STK39: variants seen among roughly 807,000 people sequenced by gnomAD.
STK39 encodes the protein STE20/SPS1-related proline-alanine-rich protein kinase.
Under a neutral mutation model 77.8 loss-of-function variants are expected in STK39, and 20 were observed. The observed-to-expected ratio is 0.26, with a 90% CI of 0.18 to 0.37. The LOEUF (loss-of-function observed/expected upper bound fraction) is 0.37, where lower values mean the gene tolerates loss of function less well. STK39 is among the 10% of genes least tolerant of loss of function. The pLI is 1.00. For synonymous variants in STK39, 246 were observed against 234.1 expected (o/e 1.05, Z -0.47); for missense variants, 479 against 656.5 (o/e 0.73, Z 2.95).
intron 1 of STK39, among the ~76,000 whole-genome samples, chr2:168,239,739 G>C (rs913287288): frequency 3.9e-5 from 6 of 152,228 alleles, no homozygotes; most frequent in Non-Finnish European, 8.8e-5. Flanking sequence ...GTAGGGAGAT[G>C]AGAGACCCTG....
At chr2:168,035,221 G>A (rs1002056001) in intron 14 of STK39, among the ~76,000 whole-genome samples, 2 of 152,154 alleles carry the variant, frequency 1.3e-5, no homozygotes, top group Non-Finnish European at 2.9e-5. Flanking sequence ...TGGTGCTCTT[G>A]CTTTGCTTGG....
intron 14 of STK39, among the ~76,000 whole-genome samples, chr2:168,021,660 C>T (rs952789965): frequency 3.9e-5 from 6 of 151,990 alleles, no homozygotes; most frequent in African/African-American, 1.2e-4. Context: ...CACTCGGCTG[C>T]CTTTGATAAT....
chr2:168,111,356 A>G (rs753599346), intron 10 of STK39, among the ~76,000 whole-genome samples: 55 of 152,208 alleles, frequency 3.6e-4, no homozygotes, highest in Non-Finnish European at 6.5e-4. Context: ...AAGTTATTTT[A>G]ATACAGGCCC....
intron 1 of STK39, among the ~76,000 whole-genome samples, chr2:168,219,529 C>T (rs1032760606): frequency 2.6e-5 from 4 of 151,828 alleles, no homozygotes; most frequent in African/African-American, 9.7e-5. Flanking sequence ...GTGTAGGTCT[C>T]CTCTATCCCT....
intron 14 of STK39, among the ~76,000 whole-genome samples, chr2:168,054,749 C>G (rs939056833): frequency 4.9e-5 from 7 of 143,354 alleles, no homozygotes; most frequent in Non-Finnish European, 9.1e-5. Flanking sequence ...ATCCATTACT[C>G]TTCTCAAAAT....
chr2:168,032,149 T>C lies in STK39; in HGVS notation c.1377-15054A>G, dbSNP rs543636598. On this transcript the variant is annotated intron_variant, in intron 14 of 17. Coordinates refer to ENST00000355999, the MANE Select transcript of STK39 (RefSeq NM_013233.3). ...CAATGGTGCAATGTCAACTCCACCA[T>C]GAAGGATATATCCAAGGACAAGACT... is the stretch of plus-strand genomic sequence containing the variant. Among the ~76,000 whole-genome samples, 10 of 152,342 alleles carry C rather than the reference T, an allele frequency of 6.6e-5. No individual in the cohort carries two copies. The East Asian group carries it at 9.6e-4, about 15-fold the overall frequency.
intron 10 of STK39, among the ~76,000 whole-genome samples, chr2:168,105,845 A>G (rs1162668474): frequency 1.3e-5 from 2 of 152,250 alleles, no homozygotes; most frequent in Admixed American, 1.3e-4. Flanking sequence ...ACTTCACTTT[A>G]GCACTGAAAT....
At chr2:168,003,596 A>C (rs533161750) in intron 16 of STK39, among the ~76,000 whole-genome samples, 1 of 152,304 alleles carries the variant, frequency 6.6e-6, no homozygotes, top group Non-Finnish European at 1.5e-5. Flanking sequence ...GTCAACATTT[A>C]TTTCTGGTAA....
chr2:168,137,522 A>G (rs1308229922), intron 8 of STK39, among the ~76,000 whole-genome samples: 1 of 152,230 alleles, frequency 6.6e-6, no homozygotes, highest in Non-Finnish European at 1.5e-5. Context: ...CCAAGAATAA[A>G]TAGGAAACAC....
chr2:168,202,079 A>G (rs1478660603), intron 1 of STK39, among the ~76,000 whole-genome samples: 1 of 152,182 alleles, frequency 6.6e-6, no homozygotes, highest in Non-Finnish European at 1.5e-5. Flanking sequence ...CCTGGTTGCC[A>G]TAAGGCCAGG....
intron 14 of STK39, among the ~76,000 whole-genome samples, chr2:168,019,224 C>T (rs1176771683): frequency 6.6e-6 from 1 of 152,166 alleles, no homozygotes; most frequent in African/African-American, 2.4e-5. Context: ...CAGCAGTCCC[C>T]CTTTATCCGT....
intron 5 of STK39, among the ~76,000 whole-genome samples, chr2:168,154,152 G>A (rs966378462): frequency 5.3e-5 from 8 of 152,182 alleles, no homozygotes; most frequent in East Asian, 3.8e-4. Context: ...CCAAGAGAAC[G>A]ACAAGGATCG....
chr2:168,060,351 T>C (rs144557726), intron 14 of STK39, among the ~76,000 whole-genome samples: 1 of 152,170 alleles, frequency 6.6e-6, no homozygotes, highest in Admixed American at 6.5e-5. Context: ...GAGGTAATTA[T>C]GTTTAGGTGA....
intron 10 of STK39, among the ~76,000 whole-genome samples, chr2:168,106,968 A>C (rs1686991168): frequency 6.6e-6 from 1 of 152,222 alleles, no homozygotes; most frequent in Admixed American, 6.5e-5. Context: ...GTTAATCAAA[A>C]AATGTTTTGA....
At chr2:168,181,621 T>C (rs1377720283) in intron 2 of STK39, among the ~76,000 whole-genome samples, 1 of 152,096 alleles carries the variant, frequency 6.6e-6, no homozygotes, top group Non-Finnish European at 1.5e-5. Context: ...ACATTCTAGA[T>C]GGAGGGCCAG....
At chr2:168,141,907 A>G (rs1687994541) in intron 5 of STK39, among the ~76,000 whole-genome samples, 1 of 152,196 alleles carries the variant, frequency 6.6e-6, no homozygotes, top group Admixed American at 6.5e-5. Flanking sequence ...ATAACATTGT[A>G]ACTGGTTTCC....
In STK39 at chr2:168,016,387, C is replaced by CAAAAAAAAA. The variant is rs869084308; in HGVS notation, c.1429+647_1429+655dup. On this transcript the variant is annotated intron_variant, in intron 15 of 17. Coordinates refer to ENST00000355999, the MANE Select transcript of STK39 (RefSeq NM_013233.3). ...TTTTGTTTGGCTGGTGGCCTTTGTT[C>CAAAAAAAAA]AAAAAAAAAAAAAAAAAAAAAAAAA... Among the ~76,000 whole-genome samples, 269 of 65,668 alleles carry CAAAAAAAAA rather than the reference C, an allele frequency of 4.1e-3. 10 individuals carry two copies. Among genetic ancestry groups the CAAAAAAAAA allele is most frequent in the African/African-American group, 0.013 (234 of 18,022 alleles). The allele number at this position is 65,668 out of a possible 152,430, so 43.1% of individuals were successfully genotyped here.
intron 10 of STK39, among the ~76,000 whole-genome samples, chr2:168,124,974 G>A: frequency 6.6e-6 from 1 of 152,176 alleles, no homozygotes; most frequent in Non-Finnish European, 1.5e-5. Flanking sequence ...GGTCTGTAGG[G>A]GGGTGGGGGA....
chr2:168,046,374 AAAAC>A lies in STK39; in HGVS notation c.1376+17122_1376+17125del, dbSNP rs377383582. On this transcript the variant is annotated intron_variant, in intron 14 of 17. Coordinates refer to ENST00000355999, the MANE Select transcript of STK39 (RefSeq NM_013233.3). ...AGGGAGACTCCTTCATCTCAAAAAC[AAAAC>A]AAACAAACAAACAAACAAACAAAAG... Among the ~76,000 whole-genome samples, 148 of 151,854 alleles carry A rather than the reference AAAAC, an allele frequency of 9.7e-4. 1 individual carries two copies. Among genetic ancestry groups the A allele is most frequent in the African/African-American group, 2.1e-3 (87 of 41,152 alleles).
Sources: allele counts gnomAD v4.1 joint callset (sites outside exome capture counted in the v4.1 genomes callset), GRCh38; gene constraint gnomAD v4.1.1; transcripts MANE v1.5; gene names NCBI Gene and HGNC (gene_info 2026-07-23, HGNC 2026-07-21).